The following BDH1 variants were observed in gnomAD, a reference collection of about 807,000 sequenced individuals.
BDH1 encodes the protein 3-hydroxybutyrate dehydrogenase 1.
Under a neutral mutation model 33.1 loss-of-function variants are expected in BDH1, and 30 were observed. The ratio of observed to expected loss-of-function variants is 0.91; its 90% CI spans 0.68 to 1.23. The LOEUF (loss-of-function observed/expected upper bound fraction) is 1.23, where lower values mean the gene tolerates loss of function less well. BDH1 is among the 50% of genes most tolerant of loss of function. The pLI is 0.00. For missense variants in BDH1, 443 were observed against 464.4 expected (o/e 0.95, Z 0.42); for synonymous variants, 190 against 183.6 (o/e 1.03, Z -0.28).
At chr3:197,524,843 G>A (rs62282549) in intron 5 of BDH1, among the ~76,000 whole-genome samples, 7 of 151,862 alleles carry the variant, frequency 4.6e-5, no homozygotes, top group Admixed American at 3.9e-4. Flanking sequence ...ACCTAACACC[G>A]CTTCCGTTCC....
upstream of BDH1, among the ~76,000 whole-genome samples, chr3:197,557,127 T>C (rs1204450240): frequency 6.6e-6 from 1 of 152,186 alleles, no homozygotes; most frequent in Non-Finnish European, 1.5e-5. The surrounding 1 kb of genome is among the most constrained non-coding windows in gnomAD (Gnocchi z 4.6). Flanking sequence ...TTGCTTCGAG[T>C]TGTCCCACCT....
At chr3:197,538,553 T>C in intron 3 of BDH1, 1 of 357,394 alleles carries the variant, frequency 2.8e-6, no homozygotes. Context: ...GGGTTCACCA[T>C]GTTGGCCACA....
chr3:197,571,615 C>T (rs1283570508), intron 1 of BDH1, among the ~76,000 whole-genome samples: 1 of 152,220 alleles, frequency 6.6e-6, no homozygotes, highest in East Asian at 1.9e-4. Flanking sequence ...TTGCCTGCCA[C>T]CATGTAAGAT....
chr3:197,524,596 C>G (rs1368916043), intron 5 of BDH1, among the ~76,000 whole-genome samples: 1 of 152,130 alleles, frequency 6.6e-6, no homozygotes, highest in African/African-American at 2.4e-5. Flanking sequence ...TTCCATGCAG[C>G]CACAGAGAAC....
intron 5 of BDH1, chr3:197,530,857 A>C (rs534169772): frequency 5.0e-4 from 76 of 152,770 alleles, no homozygotes; most frequent in African/African-American, 1.8e-3. Context: ...CACTTGTGTA[A>C]CATGGGGAAA....
At position 197,514,338 on chromosome 3, in the gene BDH1, TG is replaced by T; in HGVS notation, c.487del (p.Gln163ArgfsTer5). On this transcript the variant is annotated frameshift_variant, in exon 7 of 8. Transcript: ENST00000392379. LOFTEE classifies it high-confidence loss of function. This position sits in a 1 kb window ranked among gnomAD's most constrained non-coding sequence, Gnocchi z 4.2. ...VEFTSLETYK[Q>X]VAEVNLWGTV... ...GCCCCAAAGGTTCACTTCTGCCACC[TG>T]CTTGTAGGTCTCCAGGCTGGTGAAC... 1 of 1,613,984 alleles carries T rather than the reference TG, an allele frequency of 6.2e-7. No individual in the cohort carries two copies. The highest frequency in any genetic ancestry group is 1.1e-5 in the South Asian group (1 of 91,042).
At chr3:197,532,321 G>C in intron 5 of BDH1, 91 bp downstream of exon 5, 3 of 1,070,516 alleles carry the variant, frequency 2.8e-6, no homozygotes, top group Non-Finnish European at 4.2e-6. Context: ...AAGCAAAGGT[G>C]AGCCAGTTGT....
Position 197,520,204 on chromosome 3 carries a change from G to A in BDH1, c.409+2436C>T, listed in dbSNP as rs1328504190. 2.0e-5 allele frequency among the ~76,000 whole-genome samples: 3 copies of A among 152,124 alleles called. No homozygotes were observed. The highest frequency in any genetic ancestry group is 4.8e-5 in the African/African-American group (2 of 41,416). On this transcript the variant is annotated intron_variant, in intron 6 of 7. Transcript: ENST00000392379. This position sits in a 1 kb window ranked among gnomAD's most constrained non-coding sequence, Gnocchi z 6.0. Reference sequence around the variant, plus strand: ...GAGGAGAGGGAGACGGGAAGAAAGCGAGAGCAGGAGATGGGGGACACGCCA... The same window carrying A: ...GAGGAGAGGGAGACGGGAAGAAAGCAAGAGCAGGAGATGGGGGACACGCCA...
chr3:197,566,029 G>A (rs570883859), intron 1 of BDH1, among the ~76,000 whole-genome samples: 27 of 152,268 alleles, frequency 1.8e-4, no homozygotes, highest in African/African-American at 5.3e-4. Context: ...ACAAGAAAAC[G>A]TCTTTTAAGC....
rs1247126048 is a variant in BDH1 at position 197,530,585 on chromosome 3, GA to G, written c.267+1826del. On this transcript the variant is annotated intron_variant, in intron 5 of 7. Coordinates refer to ENST00000392379, the MANE Select transcript of BDH1 (RefSeq NM_203314.3). The stretch of plus-strand genomic sequence containing the variant: ...GAGCAAAACTCCATCTCAAAAAAAA[GA>G]AAAAAAAAAAAGATAACCCCCCAAT... 494 of 126,342 alleles carry G rather than the reference GA, an allele frequency of 3.9e-3. 1 individual carries two copies. Among genetic ancestry groups the G allele is most frequent in the African/African-American group, 0.01 (347 of 34,412 alleles). The allele number at this position is 126,342 out of a possible 1,614,324, so 7.8% of individuals were successfully genotyped here. A position where few individuals can be genotyped will look rare whatever the true frequency, so the allele number is the denominator to read the frequency against.
At chr3:197,553,224 T>C (rs927985921) in intron 2 of BDH1, among the ~76,000 whole-genome samples, 4 of 149,542 alleles carry the variant, frequency 2.7e-5, no homozygotes, top group Non-Finnish European at 5.9e-5. Context: ...GGCTGGTACA[T>C]AATTAAATGA....
chr3:197,525,607 G>A lies in BDH1; in HGVS notation c.268-2826C>T, dbSNP rs1714015118. On this transcript the variant is annotated intron_variant, in intron 5 of 7. Transcript: ENST00000392379. The surrounding 1 kb of genome is among the most constrained non-coding windows in gnomAD (Gnocchi z 4.9). ...GCAACGCTACCCTCCTATCTTCACT[G>A]ACAGACCCACCCCAGGAACCCTCAC... Among the ~76,000 whole-genome samples the A allele has an allele frequency of 6.6e-6, 1 of 152,160 alleles. No individual in the cohort carries two copies. The highest frequency in any genetic ancestry group is 2.4e-5 in the African/African-American group (1 of 41,428).
rs185119002 is a variant in BDH1, at chr3:197,520,060, C to T, written c.409+2580G>A. On this transcript the variant is annotated intron_variant, in intron 6 of 7. Transcript: ENST00000392379. This position sits in a 1 kb window ranked among gnomAD's most constrained non-coding sequence, Gnocchi z 6.0. The stretch of plus-strand genomic sequence containing the variant: ...TGGGTCGGTGGCGGCCACTGCGGGT[C>T]GGAACGCTCTGGGAGGGTGCTCCCT... Among the ~76,000 whole-genome samples the T allele has an allele frequency of 2.9e-3, 437 of 152,014 alleles. 1 individual carries two copies. Among genetic ancestry groups the T allele is most frequent in the Middle Eastern group, 3.4e-3 (1 of 294 alleles).
intron 1 of BDH1, among the ~76,000 whole-genome samples, chr3:197,562,449 G>A (rs4574319): frequency 0.14 from 20,939 of 152,166 alleles, 1,660 homozygotes; most frequent in African/African-American, 0.21. Flanking sequence ...AGCGAAAGGC[G>A]TCCCTGGGTG....
intron 2 of BDH1, among the ~76,000 whole-genome samples, chr3:197,547,475 C>A (rs760285592): frequency 6.6e-6 from 1 of 152,264 alleles, no homozygotes; most frequent in African/African-American, 2.4e-5. Flanking sequence ...ACTGAGCAAC[C>A]ACTGCCATGC....
chr3:197,571,321 C>A (rs73085629), intron 1 of BDH1, among the ~76,000 whole-genome samples: 25,730 of 152,046 alleles, frequency 0.17, 2,647 homozygotes, highest in African/African-American at 0.28. Flanking sequence ...TGAGTGAAGA[C>A]TTTGGGAAAC....
chr3:197,519,341 TG>T (rs1044805336), intron 6 of BDH1, among the ~76,000 whole-genome samples: 7 of 151,826 alleles, frequency 4.6e-5, no homozygotes, highest in African/African-American at 1.7e-4. Context: ...AGGGGGCAGG[TG>T]CAAGCCCAAG....
chr3:197,533,166 C>G (rs187071354), intron 4 of BDH1, among the ~76,000 whole-genome samples: 4 of 152,186 alleles, frequency 2.6e-5, no homozygotes, highest in African/African-American at 4.8e-5. Flanking sequence ...CGGGAGCCAC[C>G]GCCCTGGGCC....
chr3:197,549,231 G>A (rs915546766), intron 2 of BDH1, among the ~76,000 whole-genome samples: 9 of 152,170 alleles, frequency 5.9e-5, no homozygotes, highest in Non-Finnish European at 7.3e-5. Flanking sequence ...ACAAAATCAC[G>A]ATGCTCACAT....
Sources: gnomAD v4.1 joint callset for allele counts (sites outside exome capture counted in the v4.1 genomes callset) on GRCh38, gnomAD v4.1.1 for gene constraint, Gnocchi (gnomAD v3.1) non-coding constraint, MANE v1.5 for transcripts, NCBI Gene and HGNC (gene_info 2026-07-23, HGNC 2026-07-21) for gene names.